Variants in SMC5 observed in about 807,000 individuals in gnomAD.
SMC5 encodes structural maintenance of chromosomes protein 5.
SMC5 carries 88 observed loss-of-function variants against 148.3 expected under a neutral mutation model. The observed-to-expected ratio is 0.59, with a 90% CI of 0.50 to 0.71. The LOEUF is 0.71. Among genes scored for constraint, SMC5 ranks in the 30% least tolerant of loss-of-function variants. SMC5 has a pLI of 0.00. For synonymous variants in SMC5, 421 were observed against 432.8 expected (o/e 0.97, Z 0.34); for missense variants, 1,142 against 1,298.9 (o/e 0.88, Z 1.86).
intron 17 of SMC5, among the ~76,000 whole-genome samples, chr9:70,327,078 C>T (rs773945542): frequency 7.2e-5 from 11 of 152,084 alleles, no homozygotes; most frequent in Non-Finnish European, 1.0e-4. Flanking sequence ...AATGAACTCA[C>T]AATGTATTTT....
At chr9:70,285,820 T>C (rs1012737893) in intron 7 of SMC5, among the ~76,000 whole-genome samples, 5 of 152,174 alleles carry the variant, frequency 3.3e-5, no homozygotes, top group Admixed American at 6.5e-5. Context: ...GCATTTGAAA[T>C]CAGACCTGAT....
rs558040236 is a variant in SMC5 at position 70,337,565 on chromosome 9, C to G, written c.2398-6579C>G. Among the ~76,000 whole-genome samples the G allele has an allele frequency of 9.6e-4, 144 of 150,276 alleles. 1 individual carries two copies. The highest frequency in any genetic ancestry group is 3.5e-3 in the Middle Eastern group (1 of 286). ...CAGTCTCCTGGGTTCAAGTGATTCT[C>G]CTGCCTCAGCCTCCCAAATAGCTGG... On this transcript the variant is annotated intron_variant, in intron 17 of 24. Transcript: ENST00000361138.
intron 8 of SMC5, among the ~76,000 whole-genome samples, chr9:70,291,630 T>C (rs773929477): frequency 6.6e-6 from 1 of 152,232 alleles, no homozygotes; most frequent in Non-Finnish European, 1.5e-5. Flanking sequence ...GTAACTGTTA[T>C]CTGCTTCAGG....
Position 70,277,353 on chromosome 9 carries a change from G to A in SMC5, c.424G>A (p.Val142Met), listed in dbSNP as rs1210548043. ...TCTTGTAATCACCCGTGAGATTGATGTGGCAAAAAATCAGTCCTTTTGGTT... is the reference window on the plus strand; with the variant it reads ...TCTTGTAATCACCCGTGAGATTGATATGGCAAAAAATCAGTCCTTTTGGTT... ...GNLVITREID[V>M]AKNQSFWFIN... Residue 142 changes from valine to methionine, a missense_variant, in exon 4 of 25, where the codon GTG becomes ATG. Val to Met is a conservative substitution (Grantham distance 21, BLOSUM62 1). Transcript: ENST00000361138. The A allele has an allele frequency of 1.2e-6, 2 of 1,601,324 alleles. No individual in the cohort carries two copies. Among genetic ancestry groups the A allele is most frequent in the Non-Finnish European group, 8.5e-7 (1 of 1,173,886 alleles).
At chr9:70,303,618 ATTATT>A (rs1184984579) in intron 10 of SMC5, among the ~76,000 whole-genome samples, 1 of 152,216 alleles carries the variant, frequency 6.6e-6, no homozygotes, top group Non-Finnish European at 1.5e-5. Flanking sequence ...GCACTGTACT[ATTATT>A]TTAATTATAT....
intron 18 of SMC5, among the ~76,000 whole-genome samples, chr9:70,345,179 T>A (rs1053763338): frequency 1.3e-5 from 2 of 149,554 alleles, no homozygotes; most frequent in Admixed American, 1.3e-4. Context: ...AATCTACTAA[T>A]TTTTTTTTTC....
chr9:70,281,611 T>C (rs1416027488), intron 6 of SMC5, among the ~76,000 whole-genome samples: 5 of 152,222 alleles, frequency 3.3e-5, no homozygotes. Context: ...AAGAAAGTTT[T>C]GTAGTGTTTG....
chr9:70,340,288 C>CTT (rs139145458), intron 17 of SMC5, among the ~76,000 whole-genome samples: 2 of 147,304 alleles, frequency 1.4e-5, no homozygotes, highest in South Asian at 4.3e-4. Context: ...TCAGAGGAGA[C>CTT]TTTTTTTTTT....
intron 17 of SMC5, among the ~76,000 whole-genome samples, chr9:70,327,121 A>G (rs1199036387): frequency 6.6e-6 from 1 of 152,240 alleles, no homozygotes; most frequent in Non-Finnish European, 1.5e-5. Flanking sequence ...AGCTTTGTCT[A>G]CTAAAAAGAC....
chr9:70,283,200 A>G (rs1483775719), intron 7 of SMC5, among the ~76,000 whole-genome samples: 1 of 152,332 alleles, frequency 6.6e-6, no homozygotes. Context: ...ACAGTGGCTC[A>G]TGCCTGTAAT....
At chr9:70,265,524 A>G (rs1318795644) in intron 2 of SMC5, among the ~76,000 whole-genome samples, 2 of 152,228 alleles carry the variant, frequency 1.3e-5, no homozygotes, top group African/African-American at 4.8e-5. Flanking sequence ...ATATAATCAC[A>G]ATGATTATAA....
chr9:70,259,615 G>A (rs537826610), intron 1 of SMC5, among the ~76,000 whole-genome samples: 1 of 152,282 alleles, frequency 6.6e-6, no homozygotes, highest in Non-Finnish European at 1.5e-5. Flanking sequence ...TTGTCCCCGG[G>A]AACTTAAGAG....
intron 15 of SMC5, 22 bp from the exon 16 acceptor site, chr9:70,323,461 C>T: frequency 6.4e-7 from 1 of 1,564,368 alleles, no homozygotes; most frequent in African/African-American, 1.4e-5. Flanking sequence ...CTGATTTCTT[C>T]ATTATTATAT....
intron 4 of SMC5, among the ~76,000 whole-genome samples, chr9:70,277,868 A>G (rs2034635942): frequency 1.3e-5 from 2 of 151,940 alleles, no homozygotes; most frequent in Admixed American, 6.6e-5. Context: ...ATTTATAAGT[A>G]TACCTTCTAA....
At position 70,264,327 on chromosome 9, in the gene SMC5, C is replaced by T; in HGVS notation, c.209C>T (p.Ser70Phe). 6.2e-7 allele frequency: 1 copy of T among 1,613,866 alleles called. No homozygotes were observed. Among genetic ancestry groups the T allele is most frequent in the South Asian group, 1.1e-5 (1 of 91,056 alleles). ...NFLTYDICEV[S>F]PGPHLNMIVG... is the part of the protein sequence containing the mutation. ...AGAACATATGATATTTGTGAAGTAT[C>T]TCCTGGACCCCACTTGAATATGATC... The change falls in exon 2 of 25, where the codon TCT becomes TTT. Residue 70 changes from serine to phenylalanine, a missense_variant. Ser to Phe is a radical substitution (Grantham distance 155). Around this residue, in one of 5 missense-constraint regions of SMC5, gnomAD observed 297 missense variants for 302.6 expected, o/e 0.98. Coordinates refer to ENST00000361138, the MANE Select transcript of SMC5 (RefSeq NM_015110.4).
rs774470627 is a variant in SMC5, at chr9:70,282,540, T to G, written c.938T>G (p.Met313Arg). The G allele has an allele frequency of 1.3e-6, 2 of 1,591,784 alleles. No homozygotes were observed. Among genetic ancestry groups the G allele is most frequent in the Admixed American group, 1.8e-5 (1 of 55,820 alleles). Residue 313 changes from methionine to arginine, a missense_variant, in exon 7 of 25, where the codon ATG becomes AGG. Coordinates refer to ENST00000361138, the MANE Select transcript of SMC5 (RefSeq NM_015110.4). ...CCTGTAACATGTCGAATTGAAGAAATGGAAAACGAGCGTCACAATTTGGAG... is the reference window on the plus strand; with the variant it reads ...CCTGTAACATGTCGAATTGAAGAAAGGGAAAACGAGCGTCACAATTTGGAG... ...QIPVTCRIEEMENERHNLEAR... is the reference protein window; with the variant it reads ...QIPVTCRIEERENERHNLEAR...
intron 19 of SMC5, 123 bp from the exon 20 acceptor site, chr9:70,346,943 A>G (rs2036680114): frequency 1.3e-6 from 1 of 764,186 alleles, no homozygotes; most frequent in Non-Finnish European, 2.1e-6. Flanking sequence ...ATTCCTTTGT[A>G]TTCTTGTGTG....
chr9:70,293,844 T>C (rs922464721), intron 8 of SMC5, among the ~76,000 whole-genome samples: 3 of 152,310 alleles, frequency 2.0e-5, no homozygotes, highest in South Asian at 4.1e-4. Flanking sequence ...TAGAATATCA[T>C]TGGTGTGCGT....
intron 18 of SMC5, 160 bp from the exon 19 acceptor site, chr9:70,346,445 A>T (rs1486308807): frequency 3.3e-5 from 24 of 735,480 alleles, no homozygotes; most frequent in Admixed American, 2.5e-4. Context: ...ATTTGTCCCC[A>T]TGGCATGGAC....
Sources: gnomAD v4.1 joint callset for allele counts (sites outside exome capture counted in the v4.1 genomes callset) on GRCh38, gnomAD v4.1.1 for gene constraint, gnomAD v4.1.1 regional missense constraint, MANE v1.5 for transcripts, NCBI Gene and HGNC (gene_info 2026-07-23, HGNC 2026-07-21) for gene names.